KCNA7: variants seen among roughly 807,000 people sequenced by gnomAD.
The protein encoded by KCNA7 is potassium voltage-gated channel subfamily A member 7.
In KCNA7, 15 loss-of-function variants were observed where a neutral mutation model predicts 21.5. The ratio of observed to expected loss-of-function variants is 0.70; its 90% CI spans 0.47 to 1.07. The LOEUF (loss-of-function observed/expected upper bound fraction) is 1.07. Ranked by LOEUF, KCNA7 falls within the 50% of genes least tolerant of loss-of-function variation. KCNA7 has a pLI of 0.00. For synonymous variants in KCNA7, 298 were observed against 291.0 expected, an observed-to-expected ratio of 1.02 and a Z score of -0.24; for missense variants, 640 against 651.6, an observed-to-expected ratio of 0.98 and a Z score of 0.19.
At chr19:49,071,716 A>C (rs1409795691) in intron 1 of KCNA7, among the ~76,000 whole-genome samples, 1 of 152,004 alleles carries the variant, frequency 6.6e-6, no homozygotes, top group Non-Finnish European at 1.5e-5. Flanking sequence ...TTCACCACCC[A>C]GCCGCACAGA....
At position 49,071,996 on chromosome 19, in the gene KCNA7, A is replaced by G. The variant is rs775937500; in HGVS notation, c.555+35T>C. 12 of 1,504,664 alleles carry G rather than the reference A, an allele frequency of 8.0e-6. No individual in the cohort carries two copies. In the Admixed American group the frequency reaches 1.2e-4, roughly 15 times the overall value. The allele number at this position is 1,504,664 out of a possible 1,614,324, so 93.2% of individuals were successfully genotyped here. The stretch of plus-strand genomic sequence containing the variant: ...CTGGACCCCGCCCATCTCCTCCCAA[A>G]CCCCGCCCGTCTCCACCCACGCCCC... On this transcript the variant is annotated intron_variant, in intron 1 of 1. Coordinates refer to ENST00000221444, the MANE Select transcript of KCNA7 (RefSeq NM_031886.3).
At chr19:49,071,989 CTCCCAA>C (rs2040260806) in intron 1 of KCNA7, 36 bp downstream of exon 1, 1 of 1,504,068 alleles carries the variant, frequency 6.6e-7, no homozygotes, top group Non-Finnish European at 9.0e-7. Context: ...CGCCCATCTC[CTCCCAA>C]ACCCCGCCCG....
In KCNA7 at chr19:49,072,343, C is replaced by A; in HGVS notation, c.243G>T (p.Pro81=). Residue 81 remains proline, a synonymous_variant, in exon 1 of 2, where the codon CCG becomes CCT. Transcript: ENST00000221444. ...YYQSGGRLRR[P]AHVPLDVFLE... Reference sequence around the variant, plus strand: ...GGAAGACGTCGAGCGGCACGTGCGCCGGCCGCCGCAGCCGCCCACCGGACT... The same window carrying A: ...GGAAGACGTCGAGCGGCACGTGCGCAGGCCGCCGCAGCCGCCCACCGGACT... The A allele has an allele frequency of 1.3e-6, 2 of 1,592,328 alleles. No homozygotes were observed. Among genetic ancestry groups the A allele is most frequent in the Non-Finnish European group, 1.7e-6 (2 of 1,174,160 alleles).
chr19:49,067,580 C>T lies in KCNA7; in HGVS notation c.*2483G>A, dbSNP rs1185988255. On this transcript the variant is annotated 3_prime_UTR_variant, in exon 2 of 2. Transcript: ENST00000221444. Reference sequence around the variant, plus strand: ...CACCTGCTGCTCTGAGCCTCAGTTTCCCCGTCTGTAAGAAATGAGGCTACG... The same window carrying T: ...CACCTGCTGCTCTGAGCCTCAGTTTTCCCGTCTGTAAGAAATGAGGCTACG... 2 of 152,212 alleles carry T rather than the reference C, an allele frequency of 1.3e-5. No homozygotes were observed. The highest frequency in any genetic ancestry group is 2.9e-5 in the Non-Finnish European group (2 of 68,040). The allele number at this position is 152,212 out of a possible 1,614,324, so 9.4% of individuals were successfully genotyped here. A position where few individuals can be genotyped will look rare whatever the true frequency, so the allele number is the denominator to read the frequency against.
Position 49,070,665 on chromosome 19 carries a change from G to T in KCNA7, c.769C>A (p.Leu257Met), listed in dbSNP as rs771793122. 1 of 1,614,210 alleles carries T rather than the reference G, an allele frequency of 6.2e-7. No homozygotes were observed. The highest frequency in any genetic ancestry group is 1.3e-5 in the African/African-American group (1 of 75,046). The stretch of plus-strand genomic sequence containing the variant: ...CGCTGCCGGGCCAGCTCGGTGCCCA[G>T]TGCCACAAAGTAGGGAAGGATAGCC... Reference protein sequence around the residue: ...FVAILPYFVALGTELARQRGV... With the variant: ...FVAILPYFVAMGTELARQRGV... Residue 257 changes from leucine (L) to methionine (M), a missense_variant, in exon 2 of 2, where the codon CTG (leucine) becomes ATG (methionine). By Grantham distance (15) the Leu-to-Met change is conservative. Transcript: ENST00000221444. This position sits in a 1 kb window ranked among gnomAD's most constrained non-coding sequence, Gnocchi z 4.3.
Position 49,072,296 on chromosome 19 carries a change from C to A in KCNA7, c.290G>T (p.Gly97Val). 1 of 1,585,824 alleles carries A rather than the reference C, an allele frequency of 6.3e-7. No individual in the cohort carries two copies. Among genetic ancestry groups the A allele is most frequent in the South Asian group, 1.1e-5 (1 of 88,264 alleles). The change falls in exon 1 of 2, where the codon GGG becomes GTG. Residue 97 changes from glycine to valine, a missense_variant. Coordinates refer to ENST00000221444, the MANE Select transcript of KCNA7 (RefSeq NM_031886.3). ...GCGTGCCAGGGCCGCCGCGCCCAGC[C>A]CGTAGAAGGCCACCTCTTCCAGGAA... The part of the protein sequence containing the change: ...DVFLEEVAFY[G>V]LGAAALARLR...
Position 49,072,408 on chromosome 19 carries a change from GGTCGAAGAAATACTCGCGGCGCGCGTC to G in KCNA7, c.151_177del (p.Asp51_Asp59del), listed in dbSNP as rs2040266509. ...ACGGCGTCGAAGCTGGGCCGGTGCC[GGTCGAAGAAATACTCGCGGCGCGCGTC>G]GTCGTAGAAGCGGCCGCGGCGCGCT... On this transcript the variant is annotated inframe_deletion, in exon 1 of 2. Coordinates refer to ENST00000221444, the MANE Select transcript of KCNA7 (RefSeq NM_031886.3). The G allele has an allele frequency of 6.3e-7, 1 of 1,583,342 alleles. No individual in the cohort carries two copies. The highest frequency in any genetic ancestry group is 2.3e-5 in the East Asian group (1 of 42,806).
Position 49,070,004 on chromosome 19 carries a change from C to T in KCNA7, c.*59G>A. The T allele has an allele frequency of 7.2e-7, 1 of 1,383,512 alleles. No individual in the cohort carries two copies. The highest frequency in any genetic ancestry group is 1.0e-6 in the Non-Finnish European group (1 of 1,003,170). The allele number at this position is 1,383,512 out of a possible 1,614,324, so 85.7% of individuals were successfully genotyped here. A position where few individuals can be genotyped will look rare whatever the true frequency, so the allele number is the denominator to read the frequency against. On this transcript the variant is annotated 3_prime_UTR_variant, in exon 2 of 2. Coordinates refer to ENST00000221444, the MANE Select transcript of KCNA7 (RefSeq NM_031886.3). This position sits in a 1 kb window ranked among gnomAD's most constrained non-coding sequence, Gnocchi z 4.3. The stretch of plus-strand genomic sequence containing the variant: ...CCCCTCCCCCCAGCCTTGCCCTCCA[C>T]CCTGCCCTCCCTCCCTCCCTCTAGG...
rs755248193 is a variant in KCNA7 at position 49,070,336 on chromosome 19, G to A, written c.1098C>T (p.Pro366=). 8.1e-6 allele frequency: 13 copies of A among 1,614,108 alleles called. No homozygotes were observed. In the East Asian group the frequency reaches 1.3e-4, roughly 17 times the overall value. Residue 366 remains proline, a synonymous_variant, in exon 2 of 2, where the codon CCC becomes CCT. Transcript: ENST00000221444. This position sits in a 1 kb window ranked among gnomAD's most constrained non-coding sequence, Gnocchi z 4.3. The part of the protein sequence containing the change: ...MTTVGYGDMA[P]VTVGGKIVGS... Reference sequence around the variant, plus strand: ...CCACTATCTTGCCACCCACAGTGACGGGTGCCATGTCTCCATAGCCAACTG... The same window carrying A: ...CCACTATCTTGCCACCCACAGTGACAGGTGCCATGTCTCCATAGCCAACTG...
At position 49,072,537 on chromosome 19, in the gene KCNA7, G is replaced by T. The variant is rs1157459672; in HGVS notation, c.49C>A (p.Leu17Ile). 8 of 1,418,294 alleles carry T rather than the reference G, an allele frequency of 5.6e-6. No individual in the cohort carries two copies. Among genetic ancestry groups the T allele is most frequent in the Non-Finnish European group, 7.3e-6 (8 of 1,093,026 alleles). 87.9% of individuals were successfully genotyped at this position (1,418,294 alleles called of 1,614,324 possible). A position where few individuals can be genotyped will look rare whatever the true frequency, so the allele number is the denominator to read the frequency against. Residue 17 changes from leucine (L) to isoleucine (I), a missense_variant, in exon 1 of 2, where the codon CTC becomes ATC. Transcript: ENST00000221444. ...TCGAAGCGCAGCCCGGCCACGTTGAGCACCAGCCGCTCGCAGCAGCCGCAC... is the reference window on the plus strand; with the variant it reads ...TCGAAGCGCAGCCCGGCCACGTTGATCACCAGCCGCTCGCAGCAGCCGCAC... ...PPCGCCERLV[L>I]NVAGLRFETR...
rs1412136794 is a variant in KCNA7 at position 49,072,025 on chromosome 19, T to A, written c.555+6A>T. The A allele has an allele frequency of 1.3e-6, 2 of 1,584,558 alleles. No individual in the cohort carries two copies. The highest frequency in any genetic ancestry group is 1.7e-6 in the Non-Finnish European group (2 of 1,167,124). ...CGCCCGTCTCCACCCACGCCCCGCC[T>A]CTCACCGGGCCGGCTGCGGCTGCAG... On this transcript the variant is annotated splice_donor_region_variant and intron_variant, in intron 1 of 1. Coordinates refer to ENST00000221444, the MANE Select transcript of KCNA7 (RefSeq NM_031886.3).
Position 49,072,150 on chromosome 19 carries a change from C to A in KCNA7, c.436G>T (p.Ala146Ser), listed in dbSNP as rs753133537. 3 of 1,612,276 alleles carry A rather than the reference C, an allele frequency of 1.9e-6. No individual in the cohort carries two copies. Reference protein sequence around the residue: ...PESSQAARVLAVVSVLVILVS... With the variant: ...PESSQAARVLSVVSVLVILVS... ...AGGATGACCAGCACGGAGACTACGGCGAGCACGCGCGCGGCCTGAGAGCTC... is the reference window on the plus strand; with the variant it reads ...AGGATGACCAGCACGGAGACTACGGAGAGCACGCGCGCGGCCTGAGAGCTC... The change falls in exon 1 of 2, where the codon GCC becomes TCC. Residue 146 changes from alanine to serine, a missense_variant. Ala to Ser is a moderately conservative substitution (Grantham distance 99). Transcript: ENST00000221444.
Position 49,070,301 on chromosome 19 carries a change from C to T in KCNA7, c.1133G>A (p.Cys378Tyr). Residue 378 changes from cysteine to tyrosine, a missense_variant, in exon 2 of 2, where the codon TGT becomes TAT. Cys to Tyr is a radical substitution (Grantham distance 194). Coordinates refer to ENST00000221444, the MANE Select transcript of KCNA7 (RefSeq NM_031886.3). This position sits in a 1 kb window ranked among gnomAD's most constrained non-coding sequence, Gnocchi z 4.3. ...AATAGTCAGCACGCCCGCAATGGCA[C>T]ACAGAGAGCCCACTATCTTGCCACC... ...TVGGKIVGSL[C>Y]AIAGVLTISL... is the part of the protein sequence containing the mutation. 2 of 1,614,192 alleles carry T rather than the reference C, an allele frequency of 1.2e-6. No homozygotes were observed. Among genetic ancestry groups the T allele is most frequent in the South Asian group, 1.1e-5 (1 of 91,082 alleles).
At chr19:49,071,079 A>G (rs2040254628) in intron 1 of KCNA7, among the ~76,000 whole-genome samples, 1 of 152,020 alleles carries the variant, frequency 6.6e-6, no homozygotes, top group Non-Finnish European at 1.5e-5. Context: ...TGGTTGCCTG[A>G]CCTGGTGGGT....
chr19:49,069,742 T>G lies in KCNA7; in HGVS notation c.*321A>C. ...CAAACCCAACACTGACCTAGGAAAC[T>G]CACAAAATGATACGACCAAACCTAT... On this transcript the variant is annotated 3_prime_UTR_variant, in exon 2 of 2. Transcript: ENST00000221444. The G allele has an allele frequency of 3.4e-6, 1 of 291,724 alleles. No homozygotes were observed. Among genetic ancestry groups the G allele is most frequent in the Non-Finnish European group, 6.5e-6 (1 of 154,920 alleles). The allele number at this position is 291,724 out of a possible 1,614,324, so 18.1% of individuals were successfully genotyped here.
Position 49,070,546 on chromosome 19 carries a change from C to T in KCNA7, c.888G>A (p.Lys296=). The T allele has an allele frequency of 6.2e-7, 1 of 1,614,196 alleles. No homozygotes were observed. Among genetic ancestry groups the T allele is most frequent in the East Asian group, 2.2e-5 (1 of 44,874 alleles). The change falls in exon 2 of 2, where the codon AAG becomes AAA. Residue 296 remains lysine (K), a synonymous_variant. Coordinates refer to ENST00000221444, the MANE Select transcript of KCNA7 (RefSeq NM_031886.3). This position sits in a 1 kb window ranked among gnomAD's most constrained non-coding sequence, Gnocchi z 4.3. ...GCGTCTGGCCCAAGATTTGCAGGCC[C>T]TTTGAGTGCCGGGACAGCTTGAAGA... The part of the protein sequence containing the change: ...FRIFKLSRHS[K]GLQILGQTLR...
Position 49,072,287 on chromosome 19 carries a change from G to C in KCNA7, c.299C>G (p.Ala100Gly). The change falls in exon 1 of 2, where the codon GCG (alanine) becomes GGG (glycine). Residue 100 changes from alanine to glycine, a missense_variant. Coordinates refer to ENST00000221444, the MANE Select transcript of KCNA7 (RefSeq NM_031886.3). ...LEEVAFYGLG[A>G]AALARLREDE... Reference sequence around the variant, plus strand: ...CTCGCGCAGGCGTGCCAGGGCCGCCGCGCCCAGCCCGTAGAAGGCCACCTC... The same window carrying C: ...CTCGCGCAGGCGTGCCAGGGCCGCCCCGCCCAGCCCGTAGAAGGCCACCTC... 2 of 1,582,038 alleles carry C rather than the reference G, an allele frequency of 1.3e-6. No homozygotes were observed. Among genetic ancestry groups the C allele is most frequent in the South Asian group, 1.1e-5 (1 of 87,764 alleles).
Position 49,069,001 on chromosome 19 carries a change from A to T in KCNA7, c.*1062T>A, listed in dbSNP as rs987133855. On this transcript the variant is annotated 3_prime_UTR_variant, in exon 2 of 2. Transcript: ENST00000221444. The stretch of plus-strand genomic sequence containing the variant: ...CCAGTCGCCTCTGGATGAACACCCA[A>T]TCCCATGGATACAGAATCCAGTCCC... The T allele has an allele frequency of 1.3e-5, 2 of 152,130 alleles. No individual in the cohort carries two copies. The highest frequency in any genetic ancestry group is 2.9e-5 in the Non-Finnish European group (2 of 68,016). 9.4% of individuals were successfully genotyped at this position (152,130 alleles called of 1,614,324 possible).
At chr19:49,071,286 G>A (rs910430945) in intron 1 of KCNA7, among the ~76,000 whole-genome samples, 2 of 152,060 alleles carry the variant, frequency 1.3e-5, no homozygotes, top group Non-Finnish European at 2.9e-5. Flanking sequence ...GGCTGGGCGC[G>A]GTGGCTCACG....
Sources: allele counts gnomAD v4.1 joint callset (sites outside exome capture counted in the v4.1 genomes callset), GRCh38; gene constraint gnomAD v4.1.1; non-coding constraint Gnocchi (gnomAD v3.1); transcripts MANE v1.5; gene names NCBI Gene and HGNC (gene_info 2026-07-23, HGNC 2026-07-21).